RCBTB2: variants seen among roughly 807,000 people sequenced by gnomAD.
The protein encoded by RCBTB2 is RCC1 and BTB domain-containing protein 2.
A neutral mutation model predicts 65.4 loss-of-function variants in RCBTB2; 55 were observed. The ratio of observed to expected loss-of-function variants is 0.84; its 90% CI spans 0.68 to 1.05. The LOEUF is 1.05. Ranked by LOEUF, RCBTB2 falls within the 50% of genes least tolerant of loss-of-function variation. The probability of loss-of-function intolerance (pLI) is 0.00; values close to 1 mark genes in which losing one functional copy is unlikely to be tolerated. For synonymous variants in RCBTB2, 220 were observed against 255.2 expected, an observed-to-expected ratio of 0.86 and a Z score of 1.31; for missense variants, 599 against 680.1, an observed-to-expected ratio of 0.88 and a Z score of 1.33.
chr13:48,533,464 C>T (rs560598325), upstream of RCBTB2, among the ~76,000 whole-genome samples: 8 of 152,214 alleles, frequency 5.3e-5, no homozygotes, highest in Non-Finnish European at 7.4e-5. Flanking sequence ...TCCACAGCCC[C>T]TCTCCTCCAG....
intron 10 of RCBTB2, 53 bp from the exon 11 acceptor site, chr13:48,502,967 T>C: frequency 6.8e-7 from 1 of 1,473,918 alleles, no homozygotes; most frequent in Non-Finnish European, 9.1e-7. Context: ...CAGAAACAAG[T>C]TGGGTCCTCC....
chr13:48,528,899 T>C (rs1009888079), intron 1 of RCBTB2, among the ~76,000 whole-genome samples: 12 of 152,070 alleles, frequency 7.9e-5, no homozygotes, highest in African/African-American at 2.9e-4. Context: ...TCAAAGGAAA[T>C]GGTATTGTCA....
chr13:48,513,788 C>T (rs370601264), intron 6 of RCBTB2, among the ~76,000 whole-genome samples: 74 of 152,208 alleles, frequency 4.9e-4, no homozygotes, highest in African/African-American at 1.7e-3. Context: ...TTTAGTAATC[C>T]GTTCTTGCTG....
chr13:48,506,443 G>A (rs1246048136), intron 10 of RCBTB2, among the ~76,000 whole-genome samples: 1 of 152,254 alleles, frequency 6.6e-6, no homozygotes, highest in Non-Finnish European at 1.5e-5. Flanking sequence ...AGAAAGAATA[G>A]TCTGGAAGGC....
chr13:48,533,027 C>T lies in RCBTB2; in HGVS notation c.-219+1G>A, dbSNP rs1705809369. The T allele has an allele frequency of 4.4e-6, 2 of 455,370 alleles. No individual in the cohort carries two copies. The highest frequency in any genetic ancestry group is 1.5e-5 in the South Asian group (1 of 64,560). The allele number at this position is 455,370 out of a possible 1,614,324, so 28.2% of individuals were successfully genotyped here. ...CCCACACCACTCCTCCACCCTCTTA[C>T]CTCCTCGCAGGCCGGAGCCTTGTCC... On this transcript the variant is annotated splice_donor_variant, in intron 1 of 14. Transcript: ENST00000344532. LOFTEE classifies it low-confidence loss of function (5UTR_SPLICE).
chr13:48,518,940 G>A lies in RCBTB2; in HGVS notation c.42+2958C>T, dbSNP rs577168514. ...AAATTTCCAAAAGAACAAGGTTTAG[G>A]AAGTGGAACAAGTATTTAATGTAGA... is the stretch of plus-strand genomic sequence containing the variant. On this transcript the variant is annotated intron_variant, in intron 4 of 14. Transcript: ENST00000344532. Among the ~76,000 whole-genome samples, 18 of 152,186 alleles carry A rather than the reference G, an allele frequency of 1.2e-4. No individual in the cohort carries two copies. In the South Asian group the frequency reaches 3.5e-3, roughly 30 times the overall value.
At chr13:48,533,236 C>T, upstream of RCBTB2, 1 of 316,496 alleles carries the variant, frequency 3.2e-6, no homozygotes, top group Non-Finnish European at 6.2e-6. Flanking sequence ...CCTCTCCTCC[C>T]TAGGCTGCCC....
At chr13:48,508,449 C>A (rs943434396) in intron 10 of RCBTB2, among the ~76,000 whole-genome samples, 43 of 151,578 alleles carry the variant, frequency 2.8e-4, no homozygotes, top group Non-Finnish European at 2.5e-4. Context: ...CACTCTACTG[C>A]CCAGGCTAGA....
intron 9 of RCBTB2, among the ~76,000 whole-genome samples, chr13:48,511,203 A>AT (rs944913577): frequency 6.6e-6 from 1 of 152,020 alleles, no homozygotes. Context: ...TACCTATAGC[A>AT]TTTTTTTACT....
At position 48,529,807 on chromosome 13, in the gene RCBTB2, A is replaced by T. The variant is rs1157753125; in HGVS notation, c.-219+3221T>A. On this transcript the variant is annotated intron_variant, in intron 1 of 14. Transcript: ENST00000344532. ...GTAGAACTCTCTTTTAGTCTTTAAC[A>T]AGAGTCCTTAATGTCACTCTGTAAC... Among the ~76,000 whole-genome samples, 4 of 152,196 alleles carry T rather than the reference A, an allele frequency of 2.6e-5. No homozygotes were observed. In the East Asian group the frequency reaches 7.7e-4, roughly 29 times the overall value.
At chr13:48,515,867 C>G in intron 4 of RCBTB2, 126 bp from the exon 5 acceptor site, 1 of 928,428 alleles carries the variant, frequency 1.1e-6, no homozygotes, top group Non-Finnish European at 1.6e-6. Flanking sequence ...TTTTGAGAGG[C>G]CTCTCGCAGC....
upstream of RCBTB2, among the ~76,000 whole-genome samples, chr13:48,534,763 T>G (rs1952337776): frequency 6.6e-6 from 1 of 152,250 alleles, no homozygotes; most frequent in African/African-American, 2.4e-5. Flanking sequence ...ATAAGTTTCC[T>G]TCAACACTTT....
chr13:48,522,406 G>T lies in RCBTB2; in HGVS notation c.-119-3C>A. On this transcript the variant is annotated splice_region_variant and splice_polypyrimidine_tract_variant and intron_variant, in intron 2 of 14. Transcript: ENST00000344532. ...AGAAGAATATATGATTTGCTAAGCT[G>T]GAAAAAAAAAAGGAGAAATGAATGA... 2.5e-6 allele frequency: 3 copies of T among 1,193,486 alleles called. No individual in the cohort carries two copies. Among genetic ancestry groups the T allele is most frequent in the Middle Eastern group, 2.1e-4 (1 of 4,820 alleles). 73.9% of individuals were successfully genotyped at this position (1,193,486 alleles called of 1,614,324 possible). A position where few individuals can be genotyped will look rare whatever the true frequency, so the allele number is the denominator to read the frequency against.
At chr13:48,533,611 T>TG (rs1246912780), upstream of RCBTB2, among the ~76,000 whole-genome samples, 2 of 152,164 alleles carry the variant, frequency 1.3e-5, no homozygotes, top group African/African-American at 4.8e-5. Context: ...GGATGTGTGC[T>TG]GGGGGGTTCA....
intron 10 of RCBTB2, among the ~76,000 whole-genome samples, chr13:48,508,427 G>A (rs1263278320): frequency 7.6e-6 from 1 of 131,408 alleles, no homozygotes; most frequent in South Asian, 2.4e-4. Flanking sequence ...TTTTTTTTTT[G>A]AGACAGAGTC....
At chr13:48,515,395 C>G (rs777824108) in intron 5 of RCBTB2, 40 bp from the exon 6 acceptor site, 2 of 1,580,812 alleles carry the variant, frequency 1.3e-6, no homozygotes, top group South Asian at 2.3e-5. Context: ...AGTTCTATTT[C>G]TAACAAATCT....
At chr13:48,519,909 C>G (rs1220994459) in intron 4 of RCBTB2, among the ~76,000 whole-genome samples, 3 of 152,010 alleles carry the variant, frequency 2.0e-5, no homozygotes, top group Non-Finnish European at 4.4e-5. Context: ...CTGAGCATCC[C>G]TAATTCAAAA....
chr13:48,500,927 TG>T (rs759700125), intron 12 of RCBTB2, among the ~76,000 whole-genome samples: 2 of 152,224 alleles, frequency 1.3e-5, no homozygotes, highest in Non-Finnish European at 2.9e-5. Context: ...ACTAAAATGC[TG>T]TGTTGAGTGT....
Position 48,522,399 on chromosome 13 carries a change from C to T in RCBTB2, c.-115G>A, listed in dbSNP as rs1011563945. On this transcript the variant is annotated 5_prime_UTR_variant, in exon 3 of 15. Coordinates refer to ENST00000344532, the MANE Select transcript of RCBTB2 (RefSeq NM_001268.4). ...GCTCCACAGAAGAATATATGATTTG[C>T]TAAGCTGGAAAAAAAAAAGGAGAAA... 3.1e-5 allele frequency: 39 copies of T among 1,276,722 alleles called. No homozygotes were observed. In the African/African-American group the frequency reaches 5.4e-4, roughly 18 times the overall value. The allele number at this position is 1,276,722 out of a possible 1,614,324, so 79.1% of individuals were successfully genotyped here.
Sources: allele counts gnomAD v4.1 joint callset (sites outside exome capture counted in the v4.1 genomes callset), GRCh38; gene constraint gnomAD v4.1.1; transcripts MANE v1.5; gene names NCBI Gene and HGNC (gene_info 2026-07-23, HGNC 2026-07-21).